The following NAALADL2 variants were observed in gnomAD, a reference collection of about 807,000 sequenced individuals.
NAALADL2 encodes inactive N-acetylated-alpha-linked acidic dipeptidase-like protein 2.
NAALADL2 carries 76 observed loss-of-function variants against 87.2 expected under a neutral mutation model. That is an observed-to-expected ratio of 0.87 (90% confidence interval 0.72 to 1.05). NAALADL2 has a LOEUF of 1.05. NAALADL2 is among the 50% of genes least tolerant of loss of function. The probability of loss-of-function intolerance (pLI) is 0.00; values close to 1 mark genes in which losing one functional copy is unlikely to be tolerated. For missense variants in NAALADL2, 1,089 were observed against 945.8 expected, an observed-to-expected ratio of 1.15 and a Z score of -1.99; for synonymous variants, 354 against 331.0, an observed-to-expected ratio of 1.07 and a Z score of -0.75.
intron 2 of NAALADL2, among the ~76,000 whole-genome samples, chr3:174,631,003 T>G (rs1392048395): frequency 2.6e-5 from 4 of 152,192 alleles, no homozygotes; most frequent in Non-Finnish European, 2.9e-5. Context: ...GAGCCTGTTA[T>G]GGCATGATAT....
chr3:174,617,376 C>T (rs928496845), intron 2 of NAALADL2, among the ~76,000 whole-genome samples: 5 of 151,332 alleles, frequency 3.3e-5, no homozygotes, highest in African/African-American at 1.2e-4. Flanking sequence ...ATAGCGATCT[C>T]GTTACAAATC....
intron 10 of NAALADL2, among the ~76,000 whole-genome samples, chr3:175,607,922 C>CGCACACACACAT (rs1233980860): frequency 1.5e-4 from 22 of 151,342 alleles, no homozygotes; most frequent in East Asian, 6.0e-4. Flanking sequence ...CGCACACACA[C>CGCACACACACAT]GCACACACAC....
intron 2 of NAALADL2, among the ~76,000 whole-genome samples, chr3:175,219,447 T>C (rs987124374): frequency 6.6e-6 from 1 of 152,190 alleles, no homozygotes; most frequent in Non-Finnish European, 1.5e-5. Flanking sequence ...TCATTACATA[T>C]ATTTAATACA....
At chr3:174,646,315 G>C (rs1437783750) in intron 2 of NAALADL2, among the ~76,000 whole-genome samples, 2 of 152,044 alleles carry the variant, frequency 1.3e-5, no homozygotes, top group Non-Finnish European at 2.9e-5. Flanking sequence ...GCTTTATTAA[G>C]TCATGGGATA....
At chr3:175,066,362 C>T (rs1714534651) in intron 1 of NAALADL2, among the ~76,000 whole-genome samples, 1 of 152,110 alleles carries the variant, frequency 6.6e-6, no homozygotes, top group Non-Finnish European at 1.5e-5. Flanking sequence ...ATATCACTAT[C>T]ATGTAGTGCT....
At chr3:175,791,709 A>G (rs961364153) in intron 13 of NAALADL2, among the ~76,000 whole-genome samples, 2 of 152,016 alleles carry the variant, frequency 1.3e-5, no homozygotes, top group East Asian at 3.9e-4. Context: ...TTCATTCTCA[A>G]TGTCTTCTAT....
At chr3:174,843,891 A>G (rs1433565310) in intron 3 of NAALADL2, among the ~76,000 whole-genome samples, 2 of 151,868 alleles carry the variant, frequency 1.3e-5, no homozygotes, top group Non-Finnish European at 2.9e-5. Flanking sequence ...TTTGTTTTTG[A>G]GTTGTTTAAA....
Position 174,644,967 on chromosome 3 carries a change from G to A in NAALADL2, c.-114-92674G>A, listed in dbSNP as rs74565700. Among the ~76,000 whole-genome samples the A allele has an allele frequency of 3.7e-3, 562 of 152,270 alleles. 5 individuals carry two copies. The highest frequency in any genetic ancestry group is 0.029 in the South Asian group (141 of 4,826). ...GAGATAAGAGTTGTGAGTAGATGCCGTGATGGGAATATTTTCTCTGCCATT... is the reference window on the plus strand; with the variant it reads ...GAGATAAGAGTTGTGAGTAGATGCCATGATGGGAATATTTTCTCTGCCATT... On this transcript the variant is annotated intron_variant, in intron 2 of 3. Coordinates refer to the NAALADL2 transcript ENST00000434257.
At chr3:175,432,034 A>G (rs182571130) in intron 5 of NAALADL2, among the ~76,000 whole-genome samples, 1 of 152,132 alleles carries the variant, frequency 6.6e-6, no homozygotes, top group East Asian at 1.9e-4. Flanking sequence ...GTTGAGAAAA[A>G]AAAATAGCTT....
At chr3:174,997,383 C>G (rs1249080168) in intron 1 of NAALADL2, among the ~76,000 whole-genome samples, 2 of 152,028 alleles carry the variant, frequency 1.3e-5, no homozygotes, top group South Asian at 2.1e-4. Context: ...TAAGAGAGTT[C>G]ATTCCAAGGT....
intron 1 of NAALADL2, among the ~76,000 whole-genome samples, chr3:174,955,373 A>G (rs1159249122): frequency 6.6e-6 from 1 of 152,140 alleles, no homozygotes; most frequent in Non-Finnish European, 1.5e-5. Flanking sequence ...TCCTCAGGGC[A>G]TCTCAGTGTT....
chr3:175,097,164 A>G lies in NAALADL2; in HGVS notation c.418A>G (p.Ile140Val), dbSNP rs772518118. ...AGCCACCATTTTATTTATTTTTGGG[A>G]TTTTGATAGGTTATTATGTACATAC... ...CTATILFIFG[I>V]LIGYYVHTNC... Residue 140 changes from isoleucine (I) to valine (V), a missense_variant, in exon 2 of 14, where the codon ATT (isoleucine) becomes GTT (valine). Coordinates refer to ENST00000454872, the MANE Select transcript of NAALADL2 (RefSeq NM_207015.3). 1.8e-5 allele frequency: 29 copies of G among 1,613,746 alleles called. 1 individual carries two copies. The South Asian group carries it at 1.9e-4, about 10-fold the overall frequency.
intron 13 of NAALADL2, among the ~76,000 whole-genome samples, chr3:175,793,561 G>A (rs868202442): frequency 3.3e-5 from 5 of 151,362 alleles, no homozygotes; most frequent in Admixed American, 6.6e-5. Flanking sequence ...GTGATCTGCC[G>A]ACCTCGGCCT....
intron 1 of NAALADL2, among the ~76,000 whole-genome samples, chr3:174,882,331 T>A (rs1487133838): frequency 1.3e-5 from 2 of 151,838 alleles, no homozygotes; most frequent in Non-Finnish European, 2.9e-5. Context: ...AATATGGCCA[T>A]GAAACAATTA....
At chr3:174,667,768 G>A (rs1476795791) in intron 2 of NAALADL2, among the ~76,000 whole-genome samples, 1 of 151,790 alleles carries the variant, frequency 6.6e-6, no homozygotes, top group Non-Finnish European at 1.5e-5. Flanking sequence ...GGAGGTTAAA[G>A]GTTATAATTG....
chr3:174,512,466 G>A (rs1207888374), intron 1 of NAALADL2, among the ~76,000 whole-genome samples: 1 of 152,074 alleles, frequency 6.6e-6, no homozygotes, highest in East Asian at 1.9e-4. Flanking sequence ...CTGAACTGTT[G>A]AGAACTCTGA....
At chr3:175,617,520 T>C (rs1725515544) in intron 10 of NAALADL2, among the ~76,000 whole-genome samples, 2 of 152,186 alleles carry the variant, frequency 1.3e-5, no homozygotes, top group Admixed American at 6.5e-5. Flanking sequence ...TTGTAGCAGT[T>C]ACCAGGTGCA....
intron 2 of NAALADL2, among the ~76,000 whole-genome samples, chr3:174,699,571 T>C (rs1459085587): frequency 6.6e-6 from 1 of 152,194 alleles, no homozygotes; most frequent in Admixed American, 6.5e-5. Flanking sequence ...ATTACTCAGT[T>C]TGATATTTAA....
chr3:174,707,028 A>G (rs1486527115), intron 2 of NAALADL2, among the ~76,000 whole-genome samples: 1 of 152,236 alleles, frequency 6.6e-6, no homozygotes, highest in Non-Finnish European at 1.5e-5. Context: ...TATGCAGCCA[A>G]CAGACACATG....
Sources: gnomAD v4.1 joint callset for allele counts (sites outside exome capture counted in the v4.1 genomes callset) on GRCh38, gnomAD v4.1.1 for gene constraint, MANE v1.5 for transcripts, NCBI Gene and HGNC (gene_info 2026-07-23, HGNC 2026-07-21) for gene names.